The following FBXO25 variants were observed in gnomAD, a reference collection of about 807,000 sequenced individuals.
FBXO25 encodes the protein F-box only protein 25.
FBXO25 carries 45 observed loss-of-function variants against 51.9 expected under a neutral mutation model. That is an observed-to-expected ratio of 0.87 (90% CI 0.68 to 1.11). The LOEUF is 1.11. FBXO25 is among the 50% of genes most tolerant of loss of function. The pLI is 0.00. For missense variants in FBXO25, 507 were observed against 428.5 expected, an observed-to-expected ratio of 1.18 and a Z score of -1.62; for synonymous variants, 199 against 151.0, an observed-to-expected ratio of 1.32 and a Z score of -2.33.
chr8:468,423 G>C (rs576245723), intron 9 of FBXO25, among the ~76,000 whole-genome samples: 12 of 152,258 alleles, frequency 7.9e-5, no homozygotes, highest in African/African-American at 2.9e-4. Context: ...GGGCAGTGCA[G>C]GGTGGTGTCA....
intron 9 of FBXO25, chr8:467,832 G>T (rs190725845): frequency 6.2e-7 from 1 of 1,600,484 alleles, no homozygotes; most frequent in Admixed American, 1.7e-5. Flanking sequence ...CTTGGCCACT[G>T]CCCGGCTCGA....
intron 7 of FBXO25, among the ~76,000 whole-genome samples, chr8:453,699 G>A (rs1017841651): frequency 2.6e-5 from 4 of 152,058 alleles, no homozygotes; most frequent in African/African-American, 9.7e-5. Context: ...GAGCCTTCCC[G>A]GATCCCTGAG....
intron 3 of FBXO25, among the ~76,000 whole-genome samples, chr8:432,155 G>A (rs1416957830): frequency 2.0e-5 from 3 of 152,142 alleles, no homozygotes; most frequent in Non-Finnish European, 4.4e-5. Context: ...GTACAGTAAG[G>A]GTTCTTTAAA....
chr8:454,516 C>G (rs182198058), intron 7 of FBXO25, among the ~76,000 whole-genome samples: 159 of 152,328 alleles, frequency 1.0e-3, no homozygotes, highest in Non-Finnish European at 2.1e-3. Context: ...TGTCACAGAA[C>G]TCAGTGGGGT....
At chr8:418,441 G>A (rs1316514010) in intron 2 of FBXO25, among the ~76,000 whole-genome samples, 1 of 140,446 alleles carries the variant, frequency 7.1e-6, no homozygotes, top group Non-Finnish European at 1.5e-5. Flanking sequence ...CTGGGTTCAA[G>A]CAATTCTCCT....
intron 6 of FBXO25, among the ~76,000 whole-genome samples, chr8:450,288 A>G (rs1025190298): frequency 6.6e-6 from 1 of 152,220 alleles, no homozygotes; most frequent in East Asian, 1.9e-4. Context: ...TTGCTTTTGC[A>G]TACAAATGGA....
chr8:453,603 C>T (rs1431006332), intron 7 of FBXO25, among the ~76,000 whole-genome samples: 1 of 152,174 alleles, frequency 6.6e-6, no homozygotes, highest in African/African-American at 2.4e-5. Context: ...TCCTGACCTG[C>T]TGGCTGATGC....
In FBXO25 at chr8:470,766, T is replaced by C. The variant is rs553003144; in HGVS notation, c.*1962T>C. The C allele has an allele frequency of 6.6e-6, 1 of 152,322 alleles. No individual in the cohort carries two copies. Among genetic ancestry groups the C allele is most frequent in the African/African-American group, 2.4e-5 (1 of 41,568 alleles). The allele number at this position is 152,322 out of a possible 1,614,324, so 9.4% of individuals were successfully genotyped here. A position where few individuals can be genotyped will look rare whatever the true frequency, so the allele number is the denominator to read the frequency against. On this transcript the variant is annotated 3_prime_UTR_variant, in exon 10 of 10. Coordinates refer to ENST00000350302, the MANE Select transcript of FBXO25 (RefSeq NM_183420.2). ...TGAAGCACAGGTATTTCTTTTTCTG[T>C]TGGTGCTGTTTTAATAAGTGAAGAA... is the stretch of plus-strand genomic sequence containing the variant.
At chr8:409,494 T>C (rs1796366484) in intron 1 of FBXO25, among the ~76,000 whole-genome samples, 1 of 152,190 alleles carries the variant, frequency 6.6e-6, no homozygotes, top group Non-Finnish European at 1.5e-5. Context: ...CTGTAGAGTT[T>C]AGGTAGTTGT....
Position 432,947 on chromosome 8 carries a change from A to T in FBXO25, c.288+12A>T, listed in dbSNP as rs750854952. On this transcript the variant is annotated intron_variant, in intron 4 of 9. Coordinates refer to ENST00000350302, the MANE Select transcript of FBXO25 (RefSeq NM_183420.2). The stretch of plus-strand genomic sequence containing the variant: ...AAAGCACAAAGGAAGTAAGTATTCT[A>T]TTATAAATATGAGAGTATCTTGTAT... 1.3e-6 allele frequency: 2 copies of T among 1,551,966 alleles called. No homozygotes were observed. Among genetic ancestry groups the T allele is most frequent in the South Asian group, 1.2e-5 (1 of 81,660 alleles).
chr8:465,264 G>A (rs1800079448), intron 9 of FBXO25, among the ~76,000 whole-genome samples: 1 of 152,160 alleles, frequency 6.6e-6, no homozygotes, highest in African/African-American at 2.4e-5. Flanking sequence ...CTGAAAACAT[G>A]TGACTGTGTC....
At chr8:430,145 C>T (rs1256789786) in intron 2 of FBXO25, among the ~76,000 whole-genome samples, 4 of 152,204 alleles carry the variant, frequency 2.6e-5, no homozygotes, top group Admixed American at 2.6e-4. Context: ...TTCTGGAGAA[C>T]ATTGTATTTG....
At chr8:439,309 C>A (rs3857917) in intron 5 of FBXO25, among the ~76,000 whole-genome samples, 1 of 151,992 alleles carries the variant, frequency 6.6e-6, no homozygotes, top group Non-Finnish European at 1.5e-5. Context: ...CTTGGGAGGT[C>A]CATGCAGGGC....
At chr8:422,470 A>G (rs776386564) in intron 2 of FBXO25, among the ~76,000 whole-genome samples, 3 of 151,960 alleles carry the variant, frequency 2.0e-5, no homozygotes, top group Non-Finnish European at 4.4e-5. Context: ...TGGATCCTGG[A>G]CTGGGCCCAG....
At chr8:461,548 C>T (rs552332850) in intron 8 of FBXO25, among the ~76,000 whole-genome samples, 7 of 152,294 alleles carry the variant, frequency 4.6e-5, no homozygotes, top group South Asian at 4.1e-4. Context: ...TACCTCCCAC[C>T]GGGTCCCTCC....
In FBXO25 at chr8:453,802, C is replaced by T. The variant is rs1799247553; in HGVS notation, c.660+2349C>T. On this transcript the variant is annotated intron_variant, in intron 7 of 9. Transcript: ENST00000350302. ...CCAGTGAGCTGACAGTTGTCTTTGT[C>T]TTCTAGATTATCCCAACAAGAAATA... Among the ~76,000 whole-genome samples the T allele has an allele frequency of 1.3e-5, 2 of 152,174 alleles. 1 individual carries two copies. The highest frequency in any genetic ancestry group is 4.1e-4 in the South Asian group (2 of 4,826).
intron 9 of FBXO25, among the ~76,000 whole-genome samples, 161 bp downstream of exon 9, chr8:463,311 GTTCA>G (rs1454556309): frequency 2.0e-5 from 3 of 152,252 alleles, no homozygotes; most frequent in African/African-American, 7.2e-5. Flanking sequence ...GGGAACAGAT[GTTCA>G]TTCAATGTGT....
In FBXO25 at chr8:448,725, A is replaced by T. The variant is rs370416417; in HGVS notation, c.382-1265A>T. On this transcript the variant is annotated intron_variant, in intron 5 of 9. Coordinates refer to ENST00000350302, the MANE Select transcript of FBXO25 (RefSeq NM_183420.2). ...TGGTTAGAGGTTTGTTGACTGTCTCACCTGTAATCACAGGGAGGCACTAAG... is the reference window on the plus strand; with the variant it reads ...TGGTTAGAGGTTTGTTGACTGTCTCTCCTGTAATCACAGGGAGGCACTAAG... Among the ~76,000 whole-genome samples, 47 of 152,280 alleles carry T rather than the reference A, an allele frequency of 3.1e-4. No homozygotes were observed. The East Asian group carries it at 4.4e-3, about 14-fold the overall frequency.
intron 8 of FBXO25, among the ~76,000 whole-genome samples, chr8:458,796 C>A (rs1162131242): frequency 6.6e-6 from 1 of 152,194 alleles, no homozygotes; most frequent in South Asian, 2.1e-4. Flanking sequence ...AAAGCAAGAA[C>A]TGAGTTCTTT....
Sources: gnomAD v4.1 joint callset for allele counts (sites outside exome capture counted in the v4.1 genomes callset) on GRCh38, gnomAD v4.1.1 for gene constraint, MANE v1.5 for transcripts, NCBI Gene and HGNC (gene_info 2026-07-23, HGNC 2026-07-21) for gene names.